HCFC2: variants seen among roughly 807,000 people sequenced by gnomAD.
HCFC2 encodes host cell factor C2.
Under a neutral mutation model 89.2 loss-of-function variants are expected in HCFC2, and 18 were observed. The ratio of observed to expected loss-of-function variants is 0.20; its 90% CI spans 0.14 to 0.30. The LOEUF (loss-of-function observed/expected upper bound fraction) is 0.30. Ranked by LOEUF, HCFC2 falls within the 10% of genes least tolerant of loss-of-function variation. The probability of loss-of-function intolerance (pLI) is 1.00; values close to 1 mark genes in which losing one functional copy is unlikely to be tolerated. For synonymous variants in HCFC2, 308 were observed against 335.7 expected, an observed-to-expected ratio of 0.92 and a Z score of 0.90; for missense variants, 578 against 956.1, an observed-to-expected ratio of 0.60 and a Z score of 5.21.
intron 8 of HCFC2, among the ~76,000 whole-genome samples, chr12:104,087,502 C>T (rs1255007377): frequency 2.8e-5 from 4 of 144,868 alleles, no homozygotes; most frequent in African/African-American, 5.0e-5. Context: ...TATATACACA[C>T]ATACACTGCA....
At position 104,064,824 on chromosome 12, in the gene HCFC2, C is replaced by A; in HGVS notation, c.163+101C>A. 2.7e-6 allele frequency: 3 copies of A among 1,127,334 alleles called. No homozygotes were observed. In the South Asian group the frequency reaches 5.5e-5, roughly 21 times the overall value. The allele number at this position is 1,127,334 out of a possible 1,614,324, so 69.8% of individuals were successfully genotyped here. A position where few individuals can be genotyped will look rare whatever the true frequency, so the allele number is the denominator to read the frequency against. On this transcript the variant is annotated intron_variant, in intron 1 of 14. Transcript: ENST00000229330. The surrounding 1 kb of genome is among the most constrained non-coding windows in gnomAD (Gnocchi z 7.3). Reference sequence around the variant, plus strand: ...GCCCTGACAGCTGTCACCGCCCGGTCACTGCTTCCTTGGGCGGGCGGCGGG... The same window carrying A: ...GCCCTGACAGCTGTCACCGCCCGGTAACTGCTTCCTTGGGCGGGCGGCGGG...
At chr12:104,092,923 T>A (rs1275046855) in intron 9 of HCFC2, among the ~76,000 whole-genome samples, 1 of 152,194 alleles carries the variant, frequency 6.6e-6, no homozygotes, top group African/African-American at 2.4e-5. Context: ...ATGTATGAAA[T>A]CTTTATATGG....
intron 3 of HCFC2, among the ~76,000 whole-genome samples, chr12:104,069,484 A>C (rs1883252378): frequency 6.7e-6 from 1 of 148,730 alleles, no homozygotes; most frequent in Non-Finnish European, 1.5e-5. Context: ...CCTGGTAACC[A>C]CTGTTTTATT....
At chr12:104,087,045 T>A in intron 8 of HCFC2, 31 bp downstream of exon 8, 1 of 1,605,116 alleles carries the variant, frequency 6.2e-7, no homozygotes, top group Non-Finnish European at 8.5e-7. Flanking sequence ...AAAGTATGTG[T>A]GCTCACATGC....
Position 104,064,729 on chromosome 12 carries a change from C to CGCG in HCFC2, c.163+15_163+17dup. The CGCG allele has an allele frequency of 6.5e-7, 1 of 1,546,982 alleles. No homozygotes were observed. The highest frequency in any genetic ancestry group is 8.7e-7 in the Non-Finnish European group (1 of 1,149,398). On this transcript the variant is annotated splice_region_variant and intron_variant, in intron 1 of 14. Coordinates refer to ENST00000229330, the MANE Select transcript of HCFC2 (RefSeq NM_013320.3). This position sits in a 1 kb window ranked among gnomAD's most constrained non-coding sequence, Gnocchi z 7.3. ...GCTGCACGTCTACAACACGGGTAGGCGCGGCGGCGGCTCGTCGGCCCCGCC... is the reference window on the plus strand; with the variant it reads ...GCTGCACGTCTACAACACGGGTAGGCGCGGCGGCGGCGGCTCGTCGGCCCCGCC...
intron 7 of HCFC2, among the ~76,000 whole-genome samples, chr12:104,083,235 G>A (rs1398562525): frequency 3.3e-5 from 5 of 152,176 alleles, no homozygotes; most frequent in African/African-American, 1.2e-4. Context: ...AATATCACTA[G>A]TGATAAGTTA....
intron 7 of HCFC2, among the ~76,000 whole-genome samples, chr12:104,086,133 A>G (rs954062219): frequency 2.0e-5 from 3 of 151,656 alleles, no homozygotes; most frequent in Non-Finnish European, 4.4e-5. Context: ...GAGTACCTGG[A>G]ATTACAGGCG....
Position 104,095,506 on chromosome 12 carries a change from A to G in HCFC2, c.1609A>G (p.Asn537Asp). Residue 537 changes from asparagine (N) to aspartate (D), a missense_variant, in exon 11 of 15, where the codon AAT becomes GAT. By Grantham distance (23) the Asn-to-Asp change is conservative (BLOSUM62 1). Transcript: ENST00000229330. The surrounding 1 kb of genome is among the most constrained non-coding windows in gnomAD (Gnocchi z 4.2). ...QTIKTESSST[N>D]GAVVKDETSL... ...CATTAAAACTGAATCATCCAGTACA[A>G]ATGGGGCAGTTGTTAAAGATGAAAC... 6.2e-7 allele frequency: 1 copy of G among 1,613,740 alleles called. No individual in the cohort carries two copies. Among genetic ancestry groups the G allele is most frequent in the Non-Finnish European group, 8.5e-7 (1 of 1,179,772 alleles).
At chr12:104,091,999 A>G (rs1228264816) in intron 9 of HCFC2, among the ~76,000 whole-genome samples, 1 of 152,230 alleles carries the variant, frequency 6.6e-6, no homozygotes, top group Non-Finnish European at 1.5e-5. Context: ...CCTCAGAGCT[A>G]TGAGAAATTA....
At chr12:104,098,937 T>C (rs1375068273) in intron 13 of HCFC2, among the ~76,000 whole-genome samples, 1 of 151,594 alleles carries the variant, frequency 6.6e-6, no homozygotes, top group Non-Finnish European at 1.5e-5. Context: ...GAGGTGGAGC[T>C]TGCAGTGAGC....
At chr12:104,074,730 C>T (rs564779446) in intron 3 of HCFC2, among the ~76,000 whole-genome samples, 1 of 152,100 alleles carries the variant, frequency 6.6e-6, no homozygotes, top group East Asian at 1.9e-4. Flanking sequence ...TATTTATTAG[C>T]GATTTTGCCT....
intron 9 of HCFC2, among the ~76,000 whole-genome samples, chr12:104,088,498 AT>A (rs1439256938): frequency 6.6e-6 from 1 of 152,254 alleles, no homozygotes; most frequent in Non-Finnish European, 1.5e-5. Flanking sequence ...CAGTTACTAA[AT>A]TGAACACTTG....
chr12:104,072,502 G>A lies in HCFC2; in HGVS notation c.473+4395G>A, dbSNP rs7312688. Among the ~76,000 whole-genome samples, 375 of 152,190 alleles carry A rather than the reference G, an allele frequency of 2.5e-3. 3 individuals are homozygous for A. The highest frequency in any genetic ancestry group is 8.6e-3 in the African/African-American group (356 of 41,524). ...TGGGTCTGCCAATTCATGAACATGGGATGTTTCTCCATTTATTTAAATCTT... is the reference window on the plus strand; with the variant it reads ...TGGGTCTGCCAATTCATGAACATGGAATGTTTCTCCATTTATTTAAATCTT... On this transcript the variant is annotated intron_variant, in intron 3 of 14. Transcript: ENST00000229330.
chr12:104,102,229 A>ACTTCACATGT, intron 14 of HCFC2, 76 bp downstream of exon 14: 1 of 1,302,786 alleles, frequency 7.7e-7, no homozygotes, highest in Non-Finnish European at 1.1e-6. Context: ...CTGTCAGTTT[A>ACTTCACATGT]GAAATTCTTG....
intron 3 of HCFC2, among the ~76,000 whole-genome samples, chr12:104,075,294 A>T (rs1254965979): frequency 6.6e-6 from 1 of 151,812 alleles, no homozygotes; most frequent in East Asian, 1.9e-4. Context: ...CTCATTTCTT[A>T]TTCCTAAATA....
chr12:104,078,774 G>T (rs754211063), intron 3 of HCFC2, among the ~76,000 whole-genome samples: 2 of 152,146 alleles, frequency 1.3e-5, no homozygotes, highest in Admixed American at 6.6e-5. Flanking sequence ...CTGTGGGTCA[G>T]GAATTCAAAT....
At position 104,093,679 on chromosome 12, in the gene HCFC2, G is replaced by A. The variant is rs1884095563; in HGVS notation, c.1462+116G>A. On this transcript the variant is annotated intron_variant, in intron 10 of 14. Coordinates refer to ENST00000229330, the MANE Select transcript of HCFC2 (RefSeq NM_013320.3). ...TCCATTTTCCTAATAGCAAAAAACT[G>A]CCATATTCAACCTGGTTAGAATAAT... 6 of 821,616 alleles carry A rather than the reference G, an allele frequency of 7.3e-6. No individual in the cohort carries two copies. In the South Asian group the frequency reaches 1.0e-4, roughly 14 times the overall value. The allele number at this position is 821,616 out of a possible 1,614,324, so 50.9% of individuals were successfully genotyped here. A position where few individuals can be genotyped will look rare whatever the true frequency, so the allele number is the denominator to read the frequency against.
At chr12:104,070,413 C>T (rs1035450735) in intron 3 of HCFC2, among the ~76,000 whole-genome samples, 21 of 152,314 alleles carry the variant, frequency 1.4e-4, no homozygotes, top group African/African-American at 5.1e-4. Context: ...CATTGTCATT[C>T]TAGCACTCAA....
chr12:104,074,102 A>G (rs1456735577), intron 3 of HCFC2, among the ~76,000 whole-genome samples: 1 of 152,046 alleles, frequency 6.6e-6, no homozygotes, highest in Non-Finnish European at 1.5e-5. Context: ...GGCATTTGCT[A>G]TAGGTTGTTG....
Sources: allele counts gnomAD v4.1 joint callset (sites outside exome capture counted in the v4.1 genomes callset), GRCh38; gene constraint gnomAD v4.1.1; non-coding constraint Gnocchi (gnomAD v3.1); transcripts MANE v1.5; gene names NCBI Gene and HGNC (gene_info 2026-07-23, HGNC 2026-07-21).